The following FAM178B variants were observed in gnomAD, a reference collection of about 807,000 sequenced individuals.
The protein encoded by FAM178B is protein FAM178B.
FAM178B carries 82 observed loss-of-function variants against 91.7 expected under a neutral mutation model. The observed-to-expected ratio is 0.89, with a 90% CI of 0.75 to 1.07. The LOEUF is 1.07. Ranked by LOEUF, FAM178B falls within the 50% of genes least tolerant of loss-of-function variation. The pLI, the probability that FAM178B is intolerant of heterozygous loss-of-function variation, is 0.00. For synonymous variants in FAM178B, 368 were observed against 359.4 expected (o/e 1.02, Z -0.27); for missense variants, 769 against 846.7 (o/e 0.91, Z 1.14).
At chr2:96,954,151 G>A (rs1485803574) in intron 6 of FAM178B, among the ~76,000 whole-genome samples, 1 of 152,230 alleles carries the variant, frequency 6.6e-6, no homozygotes, top group Non-Finnish European at 1.5e-5. Context: ...CAGAGGGACA[G>A]AGCCTCCATC....
At chr2:96,951,150 C>T (rs559901410) in intron 7 of FAM178B, among the ~76,000 whole-genome samples, 2 of 152,188 alleles carry the variant, frequency 1.3e-5, no homozygotes, top group Non-Finnish European at 2.9e-5. Flanking sequence ...CAGCGCTCGC[C>T]GCTCTGGGAG....
chr2:96,967,434 T>C (rs1041927508), intron 5 of FAM178B, 86 bp downstream of exon 5: 2 of 751,342 alleles, frequency 2.7e-6, no homozygotes, highest in African/African-American at 1.7e-5. Context: ...CTGTACCATG[T>C]TGGTCAAAAC....
intron 12 of FAM178B, among the ~76,000 whole-genome samples, chr2:96,907,837 G>C (rs1013631069): frequency 1.3e-5 from 2 of 152,228 alleles, no homozygotes; most frequent in Non-Finnish European, 2.9e-5. Context: ...CACTCCCTGG[G>C]AGGAGAACTG....
chr2:96,895,507 G>A (rs2080804247), intron 13 of FAM178B, among the ~76,000 whole-genome samples: 2 of 152,234 alleles, frequency 1.3e-5, no homozygotes, highest in Admixed American at 6.5e-5. Context: ...ACAGTTAGCC[G>A]CTCCTTCTGG....
rs1574313953 is a variant in FAM178B, at chr2:96,967,748, G to A, written c.627-121C>T. Reference sequence around the variant, plus strand: ...ACCAGAGGGCTGCGCCGTCCTGGCTGGTCTCCTTGTGAAGCCGCTCACACA... The same window carrying A: ...ACCAGAGGGCTGCGCCGTCCTGGCTAGTCTCCTTGTGAAGCCGCTCACACA... On this transcript the variant is annotated intron_variant, in intron 4 of 16. Transcript: ENST00000490605. 10 of 667,370 alleles carry A rather than the reference G, an allele frequency of 1.5e-5. No homozygotes were observed. In the East Asian group the frequency reaches 2.8e-4, roughly 18 times the overall value. 41.3% of individuals were successfully genotyped at this position (667,370 alleles called of 1,614,324 possible).
At chr2:96,903,968 C>T (rs1212098145) in intron 12 of FAM178B, among the ~76,000 whole-genome samples, 5 of 152,190 alleles carry the variant, frequency 3.3e-5, no homozygotes, top group Admixed American at 3.3e-4. Context: ...GCAGCAGCAG[C>T]ACCGCACCCC....
chr2:96,905,814 GTGTGTATATATA>G lies in FAM178B; in HGVS notation c.1563-3119_1563-3108del, dbSNP rs1253100731. The stretch of plus-strand genomic sequence containing the variant: ...TATATACACAAAAATATACATATAT[GTGTGTATATATA>G]TATATATATATATATATATATATAT... On this transcript the variant is annotated intron_variant, in intron 12 of 16. Coordinates refer to ENST00000490605, the MANE Select transcript of FAM178B (RefSeq NM_001122646.3). Among the ~76,000 whole-genome samples the G allele has an allele frequency of 4.6e-4, 16 of 34,482 alleles. 1 individual carries two copies. The East Asian group carries it at 8.1e-3, about 17-fold the overall frequency. 22.6% of individuals were successfully genotyped at this position (34,482 alleles called of 152,430 possible).
intron 4 of FAM178B, among the ~76,000 whole-genome samples, chr2:96,967,911 C>CT (rs60965536): frequency 0.016 from 971 of 62,430 alleles, 76 homozygotes; most frequent in East Asian, 0.072. Flanking sequence ...CCTGTTTGGT[C>CT]TTTTTTTTTT....
Position 96,960,304 on chromosome 2 carries a change from C to G in FAM178B, c.871G>C (p.Glu291Gln), listed in dbSNP as rs767028497. ...CACACTTACCTGAGGAACAGCCCTTCCAGGTGGCTGCGTGGCTTCAGGAGT... is the reference window on the plus strand; with the variant it reads ...CACACTTACCTGAGGAACAGCCCTTGCAGGTGGCTGCGTGGCTTCAGGAGT... The part of the protein sequence containing the change: ...SSLLKPRSHL[E>Q]GLFLSSPPAQ... Residue 291 changes from glutamate to glutamine, a missense_variant, in exon 6 of 17, where the codon GAA (glutamate) becomes CAA (glutamine). Glu to Gln is a conservative substitution (Grantham distance 29). Coordinates refer to ENST00000490605, the MANE Select transcript of FAM178B (RefSeq NM_001122646.3). The G allele has an allele frequency of 5.3e-5, 82 of 1,551,658 alleles. No individual in the cohort carries two copies. The highest frequency in any genetic ancestry group is 6.8e-5 in the Non-Finnish European group (78 of 1,147,008).
chr2:96,948,261 A>G (rs2081863917), intron 7 of FAM178B, among the ~76,000 whole-genome samples: 1 of 152,222 alleles, frequency 6.6e-6, no homozygotes. Context: ...GGCAGGGCCC[A>G]GCGTAAGGGG....
At chr2:96,911,807 C>G (rs1424128038) in intron 12 of FAM178B, among the ~76,000 whole-genome samples, 1 of 152,092 alleles carries the variant, frequency 6.6e-6, no homozygotes, top group Non-Finnish European at 1.5e-5. Context: ...CAGGCCTGGG[C>G]AGTGGGCAGA....
At chr2:96,910,954 C>T (rs1376212521) in intron 12 of FAM178B, among the ~76,000 whole-genome samples, 2 of 151,860 alleles carry the variant, frequency 1.3e-5, no homozygotes, top group Non-Finnish European at 2.9e-5. Context: ...TTTTAGTAGA[C>T]CCGGGGTTTC....
intron 8 of FAM178B, among the ~76,000 whole-genome samples, 179 bp downstream of exon 8, chr2:96,947,639 G>C (rs2081852059): frequency 6.6e-6 from 1 of 152,220 alleles, no homozygotes; most frequent in Non-Finnish European, 1.5e-5. Context: ...CGAGGAGCCT[G>C]TTGGTTCAGC....
Position 96,934,145 on chromosome 2 carries a change from G to A in FAM178B, c.1079-4825C>T, listed in dbSNP as rs1375959207. Reference sequence around the variant, plus strand: ...CAAAACACAAAGCAGCCCTGCTCTCGGGTTGTTGGTGTTGGGTGGGGGACA... The same window carrying A: ...CAAAACACAAAGCAGCCCTGCTCTCAGGTTGTTGGTGTTGGGTGGGGGACA... On this transcript the variant is annotated intron_variant, in intron 8 of 16. Transcript: ENST00000490605. 5.3e-5 allele frequency among the ~76,000 whole-genome samples: 8 copies of A among 152,292 alleles called. No individual in the cohort carries two copies. In the East Asian group the frequency reaches 5.8e-4, roughly 11 times the overall value.
chr2:96,963,979 A>G (rs2082113538), intron 5 of FAM178B, among the ~76,000 whole-genome samples: 1 of 152,146 alleles, frequency 6.6e-6, no homozygotes. Flanking sequence ...CAGGTGTTCA[A>G]GACCAGCCTG....
chr2:96,901,689 G>A (rs1184512332), intron 13 of FAM178B, among the ~76,000 whole-genome samples: 1 of 152,168 alleles, frequency 6.6e-6, no homozygotes, highest in African/African-American at 2.4e-5. Flanking sequence ...TGGAGTTTCA[G>A]TTTGGGAAGT....
chr2:96,959,199 G>GAAAAAAAAAAAAAAAAA (rs57498168), intron 6 of FAM178B, among the ~76,000 whole-genome samples: 3 of 82,130 alleles, frequency 3.7e-5, no homozygotes, highest in African/African-American at 9.7e-5. Flanking sequence ...ACTCAGTTTT[G>GAAAAAAAAAAAAAAAAA]AAAAAAAAAA....
rs756800011 is a variant in FAM178B, at chr2:96,878,538, G to A, written c.1777-45C>T. 5.0e-6 allele frequency: 8 copies of A among 1,588,004 alleles called. No individual in the cohort carries two copies. The East Asian group carries it at 1.6e-4, about 31-fold the overall frequency. On this transcript the variant is annotated intron_variant, in intron 14 of 16. Transcript: ENST00000490605. ...AGAGCTGCTTCTCTAACTCCACCCA[G>A]GGCAGCATGGCGTGCCCTCCACCTG...
chr2:96,905,522 A>AG (rs945643379), intron 12 of FAM178B, among the ~76,000 whole-genome samples: 26 of 150,248 alleles, frequency 1.7e-4, no homozygotes, highest in African/African-American at 6.1e-4. Flanking sequence ...ACACCACTGT[A>AG]CTCAAGCCTG....
Sources: allele counts gnomAD v4.1 joint callset (sites outside exome capture counted in the v4.1 genomes callset), GRCh38; gene constraint gnomAD v4.1.1; transcripts MANE v1.5; gene names NCBI Gene and HGNC (gene_info 2026-07-23, HGNC 2026-07-21).